CDK11A: variants seen among roughly 807,000 people sequenced by gnomAD.
CDK11A encodes cyclin-dependent kinase 11A.
Under a neutral mutation model 83.6 loss-of-function variants are expected in CDK11A, and 55 were observed. The observed-to-expected ratio is 0.66, with a 90% CI of 0.53 to 0.82. CDK11A has a LOEUF of 0.82. Ranked by LOEUF, CDK11A falls within the 40% of genes least tolerant of loss-of-function variation. The pLI, the probability that CDK11A is intolerant of heterozygous loss-of-function variation, is 0.00. For synonymous variants in CDK11A, 247 were observed against 302.7 expected (o/e 0.82, Z 1.91); for missense variants, 564 against 810.1 (o/e 0.70, Z 3.69).
In CDK11A at chr1:1,703,539, T is replaced by C. The variant is rs1338410191; in HGVS notation, c.1997A>G (p.Tyr666Cys). The C allele has an allele frequency of 6.4e-7, 1 of 1,565,404 alleles. No individual in the cohort carries two copies. Among genetic ancestry groups the C allele is most frequent in the East Asian group, 2.3e-5 (1 of 43,180 alleles). Residue 666 changes from tyrosine (Y) to cysteine (C), a missense_variant, in exon 18 of 20, where the codon TAC becomes TGC. By Grantham distance (194) the Tyr-to-Cys change is radical. Transcript: ENST00000404249. ...VKKMTFSEHP[Y>C]NNLRKRFGAL... Reference sequence around the variant, plus strand: ...CCCGAAGCGCTTGCGGAGGTTGTTGTAGGGGTGCTCGCTGAAGGTCATCTT... The same window carrying C: ...CCCGAAGCGCTTGCGGAGGTTGTTGCAGGGGTGCTCGCTGAAGGTCATCTT...
intron 4 of CDK11A, among the ~76,000 whole-genome samples, chr1:1,718,177 G>C (rs1163755745): frequency 3.4e-5 from 5 of 146,432 alleles, no homozygotes; most frequent in African/African-American, 1.0e-4. Context: ...TTCGGTCTGT[G>C]ACACACGCAT....
intron 6 of CDK11A, among the ~76,000 whole-genome samples, chr1:1,710,615 A>G (rs1644464262): frequency 1.3e-5 from 2 of 148,806 alleles, no homozygotes; most frequent in Admixed American, 6.8e-5. Context: ...TTCAGAGGGG[A>G]AAAAAAGAAG....
Position 1,716,466 on chromosome 1 carries a change from C to G in CDK11A, c.368G>C (p.Arg123Thr), listed in dbSNP as rs1203428468. The G allele has an allele frequency of 6.2e-7, 1 of 1,608,492 alleles. No homozygotes were observed. Among genetic ancestry groups the G allele is most frequent in the African/African-American group, 1.3e-5 (1 of 74,424 alleles). Residue 123 changes from arginine to threonine, a missense_variant, in exon 5 of 20, where the codon AGA becomes ACA. Transcript: ENST00000404249. ...SHSAEGGKHA[R>T]VKEREHERRK... ...ACGTTCGTGCTCTCTTTCTTTCACT[C>G]TAGCATGCTTCCCTAATGAGAAATA... is the stretch of plus-strand genomic sequence containing the variant.
intron 4 of CDK11A, among the ~76,000 whole-genome samples, chr1:1,718,273 T>C (rs372957070): frequency 6.8e-6 from 1 of 147,698 alleles, no homozygotes; most frequent in East Asian, 2.0e-4. Flanking sequence ...CTCTCTCTGG[T>C]TTTCGGTCTG....
chr1:1,720,807 T>G (rs1248877328), intron 3 of CDK11A, among the ~76,000 whole-genome samples: 1 of 151,154 alleles, frequency 6.6e-6, no homozygotes, highest in Non-Finnish European at 1.5e-5. Flanking sequence ...TTCTCCTGCC[T>G]CAGCCTCCTG....
rs370753248 is a variant in CDK11A at position 1,704,172 on chromosome 1, G to A, written c.1687-26C>T. 6.9e-5 allele frequency: 111 copies of A among 1,607,370 alleles called. 7 individuals are homozygous for A. Among genetic ancestry groups the A allele is most frequent in the Middle Eastern group, 3.8e-4 (2 of 5,256 alleles). ...CTGCAACGACAGATGGGCGGCTGTGGGTGGGCCTGGGCGGGTCACCCTGGG... is the reference window on the plus strand; with the variant it reads ...CTGCAACGACAGATGGGCGGCTGTGAGTGGGCCTGGGCGGGTCACCCTGGG... On this transcript the variant is annotated intron_variant, in intron 15 of 19. Coordinates refer to ENST00000404249, the MANE Select transcript of CDK11A (RefSeq NM_024011.4).
intron 18 of CDK11A, 30 bp from the exon 19 acceptor site, chr1:1,703,299 G>T (rs1394317607): frequency 1.9e-6 from 1 of 533,204 alleles, no homozygotes; most frequent in Non-Finnish European, 3.0e-6. Flanking sequence ...GGCCCAGGAG[G>T]TGCTCGTGTG....
chr1:1,707,894 T>C (rs1185704790), intron 10 of CDK11A, among the ~76,000 whole-genome samples: 6 of 137,444 alleles, frequency 4.4e-5, no homozygotes, highest in Admixed American at 6.9e-5. Flanking sequence ...GCCTCTGTTC[T>C]GCAGGGACAG....
chr1:1,718,719 C>T (rs1374926054), intron 4 of CDK11A, among the ~76,000 whole-genome samples: 2 of 148,880 alleles, frequency 1.3e-5, no homozygotes, highest in Admixed American at 6.8e-5. Context: ...TCACTGCAAG[C>T]TCCGCCTCCC....
intron 5 of CDK11A, among the ~76,000 whole-genome samples, chr1:1,714,569 G>A (rs1644567034): frequency 2.2e-5 from 1 of 44,902 alleles, no homozygotes; most frequent in African/African-American, 3.8e-5. Context: ...CATAGCTCAT[G>A]GCCACCCCGT....
chr1:1,722,173 A>C (rs1168773588), intron 2 of CDK11A, among the ~76,000 whole-genome samples: 1 of 151,216 alleles, frequency 6.6e-6, no homozygotes, highest in Non-Finnish European at 1.5e-5. Flanking sequence ...CAGAGTTGCT[A>C]CAAACCTTTA....
At chr1:1,722,085 C>A (rs757660523) in intron 2 of CDK11A, among the ~76,000 whole-genome samples, 1 of 150,272 alleles carries the variant, frequency 6.7e-6, no homozygotes, top group Non-Finnish European at 1.5e-5. Flanking sequence ...TGGCCCTGGG[C>A]GACAGTGCGA....
chr1:1,714,930 T>G (rs1183704254), intron 5 of CDK11A, among the ~76,000 whole-genome samples: 1 of 149,676 alleles, frequency 6.7e-6, no homozygotes, highest in Non-Finnish European at 1.5e-5. Context: ...AGCAGACCTC[T>G]TGGCCTTTTC....
intron 17 of CDK11A, 21 bp downstream of exon 17, chr1:1,703,803 C>T: frequency 1.9e-6 from 3 of 1,608,780 alleles, no homozygotes; most frequent in Non-Finnish European, 1.7e-6. Flanking sequence ...CATAGCGCAC[C>T]TGCGGCAGGG....
At chr1:1,708,376 C>T in intron 9 of CDK11A, 131 bp from the exon 10 acceptor site, 1 of 1,432,602 alleles carries the variant, frequency 7.0e-7, no homozygotes, top group East Asian at 2.5e-5. Context: ...CGCGGTGGCT[C>T]ACGCCTGTAA....
rs370914124 is a variant in CDK11A at position 1,703,866 on chromosome 1, G to C, written c.1869C>G (p.Phe623Leu). 6 of 1,609,682 alleles carry C rather than the reference G, an allele frequency of 3.7e-6. 1 individual carries two copies. Among genetic ancestry groups the C allele is most frequent in the Middle Eastern group, 1.7e-4 (1 of 6,056 alleles). ...FGELLTQKPL[F>L]PGNSEIDQIN... is the part of the protein sequence containing the mutation. The stretch of plus-strand genomic sequence containing the variant: ...TCTGATCGATTTCCGAATTCCCGGG[G>C]AACAGAGGCTTCTGAGTCAGCAGCT... Residue 623 changes from phenylalanine to leucine, a missense_variant, in exon 17 of 20, where the codon TTC becomes TTG. Coordinates refer to ENST00000404249, the MANE Select transcript of CDK11A (RefSeq NM_024011.4).
rs537845608 is a variant in CDK11A at position 1,708,036 on chromosome 1, G to A, written c.1069+144C>T. On this transcript the variant is annotated intron_variant, in intron 10 of 19. Coordinates refer to ENST00000404249, the MANE Select transcript of CDK11A (RefSeq NM_024011.4). The stretch of plus-strand genomic sequence containing the variant: ...CTCGCTGAGGAATGCGGGCCCCACC[G>A]GCACAGCCTGGAGCGGCCAACGAAT... 3.1e-5 allele frequency: 28 copies of A among 894,272 alleles called. No individual in the cohort carries two copies. In the East Asian group the frequency reaches 3.2e-4, roughly 10 times the overall value. The allele number at this position is 894,272 out of a possible 1,614,324, so 55.4% of individuals were successfully genotyped here. A position where few individuals can be genotyped will look rare whatever the true frequency, so the allele number is the denominator to read the frequency against.
At chr1:1,719,537 A>T in intron 3 of CDK11A, 82 bp from the exon 4 acceptor site, 1 of 1,143,320 alleles carries the variant, frequency 8.7e-7, no homozygotes. Flanking sequence ...TTTTCAACCC[A>T]GAAAAATGCA....
chr1:1,707,236 C>T (rs1382941696), intron 11 of CDK11A, among the ~76,000 whole-genome samples, 173 bp downstream of exon 11: 4 of 144,474 alleles, frequency 2.8e-5, no homozygotes, highest in South Asian at 2.3e-4. Flanking sequence ...GAGAAAGAGG[C>T]GGGACCTAGA....
Sources: allele counts gnomAD v4.1 joint callset (sites outside exome capture counted in the v4.1 genomes callset), GRCh38; gene constraint gnomAD v4.1.1; transcripts MANE v1.5; gene names NCBI Gene and HGNC (gene_info 2026-07-23, HGNC 2026-07-21).